Variants in MAMDC2 observed in about 807,000 individuals in gnomAD.
MAMDC2 encodes the protein MAM domain-containing protein 2.
In MAMDC2, 57 loss-of-function variants were observed where a neutral mutation model predicts 89.8. The observed-to-expected ratio is 0.63, with a 90% CI of 0.51 to 0.79. MAMDC2 has a LOEUF of 0.79. MAMDC2 is among the 30% of genes least tolerant of loss of function. The probability of loss-of-function intolerance (pLI) is 0.00; values close to 1 mark genes in which losing one functional copy is unlikely to be tolerated. For missense variants in MAMDC2, 800 were observed against 820.6 expected (o/e 0.97, Z 0.31); for synonymous variants, 313 against 293.4 (o/e 1.07, Z -0.68).
At chr9:70,112,188 T>C (rs1228337288) in intron 4 of MAMDC2, among the ~76,000 whole-genome samples, 2 of 152,152 alleles carry the variant, frequency 1.3e-5, no homozygotes, top group Non-Finnish European at 2.9e-5. Flanking sequence ...TACTTCCTAG[T>C]TTAACTGTGT....
chr9:70,071,268 A>G (rs1047405033), intron 2 of MAMDC2, among the ~76,000 whole-genome samples: 2 of 152,206 alleles, frequency 1.3e-5, no homozygotes, highest in South Asian at 2.1e-4. Flanking sequence ...AAGATGTCAT[A>G]GTTTCCTTTC....
chr9:70,191,577 T>C (rs1404111197), intron 11 of MAMDC2, among the ~76,000 whole-genome samples: 1 of 151,900 alleles, frequency 6.6e-6, no homozygotes, highest in African/African-American at 2.4e-5. Flanking sequence ...CCTGGGGTGA[T>C]GGTATTTCCC....
intron 8 of MAMDC2, among the ~76,000 whole-genome samples, chr9:70,142,056 A>T (rs1333053608): frequency 1.3e-5 from 2 of 152,176 alleles, no homozygotes; most frequent in African/African-American, 4.8e-5. Context: ...CAAAATGCCA[A>T]AGTGACATAG....
chr9:70,103,012 A>G (rs1828235677), intron 2 of MAMDC2, among the ~76,000 whole-genome samples: 1 of 152,188 alleles, frequency 6.6e-6, no homozygotes, highest in Non-Finnish European at 1.5e-5. Flanking sequence ...TTGGTTTTAA[A>G]AGATGAGAAA....
intron 7 of MAMDC2, 39 bp downstream of exon 7, chr9:70,131,651 C>T: frequency 6.9e-7 from 1 of 1,447,640 alleles, no homozygotes. Flanking sequence ...TTGGGATGTT[C>T]CTGTTTCAAT....
At chr9:70,076,059 C>T (rs1827523838) in intron 2 of MAMDC2, among the ~76,000 whole-genome samples, 1 of 152,174 alleles carries the variant, frequency 6.6e-6, no homozygotes, top group African/African-American at 2.4e-5. Flanking sequence ...CAGGTGGGGG[C>T]AGTTGAGTCA....
chr9:70,088,657 A>G (rs1446262191), intron 2 of MAMDC2: 1 of 151,214 alleles, frequency 6.6e-6, no homozygotes, highest in East Asian at 1.9e-4. Flanking sequence ...TAAACATACT[A>G]GATTCACCAG....
intron 11 of MAMDC2, among the ~76,000 whole-genome samples, chr9:70,199,774 T>C (rs1200261558): frequency 1.4e-5 from 2 of 144,380 alleles, no homozygotes; most frequent in East Asian, 2.0e-4. Flanking sequence ...CTCATTGTGG[T>C]TTTGATTTGC....
chr9:70,115,821 G>T (rs1190548615), intron 5 of MAMDC2, among the ~76,000 whole-genome samples: 1 of 152,174 alleles, frequency 6.6e-6, no homozygotes, highest in African/African-American at 2.4e-5. Flanking sequence ...TTAAAAGACA[G>T]TTGGGTTAAC....
intron 2 of MAMDC2, chr9:70,088,236 G>A (rs1827814619): frequency 6.6e-6 from 1 of 152,064 alleles, no homozygotes; most frequent in African/African-American, 2.4e-5. Context: ...CATGTTCTGG[G>A]AAGAAAACCC....
intron 5 of MAMDC2, among the ~76,000 whole-genome samples, chr9:70,116,235 G>C (rs893907205): frequency 6.6e-6 from 1 of 152,182 alleles, no homozygotes; most frequent in African/African-American, 2.4e-5. Flanking sequence ...TGGCTGGGGA[G>C]AACATATATT....
chr9:70,066,454 CTT>C (rs1423837477), intron 2 of MAMDC2, among the ~76,000 whole-genome samples: 1 of 152,078 alleles, frequency 6.6e-6, no homozygotes, highest in Non-Finnish European at 1.5e-5. Flanking sequence ...GGTCACGTCT[CTT>C]TTCCTTTTAG....
chr9:70,179,529 A>AAATG (rs1481752997), intron 11 of MAMDC2, among the ~76,000 whole-genome samples: 2 of 65,224 alleles, frequency 3.1e-5, no homozygotes, highest in Non-Finnish European at 6.6e-5. Flanking sequence ...GTCTCAAAAA[A>AAATG]AATAAATAAA....
intron 9 of MAMDC2, among the ~76,000 whole-genome samples, chr9:70,165,425 T>C (rs2032141557): frequency 6.6e-6 from 1 of 152,228 alleles, no homozygotes; most frequent in Non-Finnish European, 1.5e-5. Flanking sequence ...GTGCTTCTTT[T>C]GTGTGTTAAA....
chr9:70,190,188 T>C (rs2032848846), intron 11 of MAMDC2, among the ~76,000 whole-genome samples: 1 of 152,208 alleles, frequency 6.6e-6, no homozygotes, highest in Non-Finnish European at 1.5e-5. Context: ...ACTGGACGTT[T>C]TGAATAATAC....
At chr9:70,153,854 T>C (rs552849267) in intron 9 of MAMDC2, 2 of 152,352 alleles carry the variant, frequency 1.3e-5, no homozygotes, top group Admixed American at 6.5e-5. Context: ...TCTCATCTTA[T>C]GTCTCGTGGA....
At chr9:70,185,208 G>C (rs182177993) in intron 11 of MAMDC2, among the ~76,000 whole-genome samples, 1 of 152,202 alleles carries the variant, frequency 6.6e-6, no homozygotes, top group African/African-American at 2.4e-5. Flanking sequence ...ATCATCATTG[G>C]AGGCAGCAGA....
intron 11 of MAMDC2, chr9:70,217,291 A>G: frequency 7.6e-7 from 1 of 1,310,832 alleles, no homozygotes; most frequent in Non-Finnish European, 1.1e-6. Flanking sequence ...CGAGTTTCTT[A>G]ATGCGAAATG....
chr9:70,109,082 T>TGATGTTTATGATGTTATGA (rs1239072770), intron 3 of MAMDC2: 1 of 152,396 alleles, frequency 6.6e-6, no homozygotes, highest in East Asian at 1.9e-4. Flanking sequence ...GTGATGTTTA[T>TGATGTTTATGATGTTATGA]TGAAAATATT....
Sources: gnomAD v4.1 joint callset for allele counts (sites outside exome capture counted in the v4.1 genomes callset) on GRCh38, gnomAD v4.1.1 for gene constraint, MANE v1.5 for transcripts, NCBI Gene and HGNC (gene_info 2026-07-23, HGNC 2026-07-21) for gene names.